Variants in C4orf51 observed in about 807,000 individuals in gnomAD.
The protein encoded by C4orf51 is chromosome 4 open reading frame 51.
C4orf51 carries 25 observed loss-of-function variants against 25.2 expected under a neutral mutation model. The observed-to-expected ratio is 0.99, with a 90% CI of 0.72 to 1.39. C4orf51 has a LOEUF of 1.39. C4orf51 is among the 40% of genes most tolerant of loss of function. The pLI, the probability that C4orf51 is intolerant of heterozygous loss-of-function variation, is 0.00. For missense variants in C4orf51, 252 were observed against 239.6 expected (o/e 1.05, Z -0.34); for synonymous variants, 100 against 84.5 (o/e 1.18, Z -1.01).
At chr4:145,736,439 A>AC (rs1732806371), downstream of C4orf51, among the ~76,000 whole-genome samples, 1 of 151,810 alleles carries the variant, frequency 6.6e-6, no homozygotes, top group Non-Finnish European at 1.5e-5. Context: ...GGACTCTGTG[A>AC]CCTGAGCTGG....
the C4orf51 span, among the ~76,000 whole-genome samples, chr4:145,778,007 C>CT: frequency 1.3e-5 from 2 of 152,078 alleles, no homozygotes; most frequent in African/African-American, 4.8e-5. Flanking sequence ...TAAAACTCCA[C>CT]TTTTTTGAAC....
intron 1 of C4orf51, among the ~76,000 whole-genome samples, chr4:145,691,059 G>C (rs1203778238): frequency 6.6e-6 from 1 of 151,876 alleles, no homozygotes; most frequent in East Asian, 1.9e-4. Flanking sequence ...GCTATAGTGA[G>C]CTATGATCAT....
chr4:145,765,092 G>A lies in C4orf51; in HGVS notation n.167-5896G>A. 6.2e-7 allele frequency: 1 copy of A among 1,614,206 alleles called. No individual in the cohort carries two copies. The highest frequency in any genetic ancestry group is 8.5e-7 in the Non-Finnish European group (1 of 1,180,040). ...CATCACACTCAAACATCCGGGTGAT[G>A]AGGTGTATCTGCAGATGACGCTCAA... On this transcript the variant is annotated intron_variant and non_coding_transcript_variant, in intron 1 of 1. Coordinates refer to the C4orf51 transcript ENST00000510096. The surrounding 1 kb of genome is among the most constrained non-coding windows in gnomAD (Gnocchi z 4.7).
the C4orf51 span, among the ~76,000 whole-genome samples, chr4:145,780,020 G>T: frequency 6.6e-6 from 1 of 152,130 alleles, no homozygotes. Flanking sequence ...GTGAAACCTT[G>T]TATCTACTAA....
At chr4:145,757,757 C>T (rs979499473), downstream of C4orf51, 8 of 150,868 alleles carry the variant, frequency 5.3e-5, no homozygotes, top group Non-Finnish European at 8.8e-5. Context: ...TGTACAGCCT[C>T]GTAATGCAAA....
chr4:145,737,557 C>G (rs919320839), downstream of C4orf51, among the ~76,000 whole-genome samples: 1 of 151,888 alleles, frequency 6.6e-6, no homozygotes, highest in African/African-American at 2.4e-5. Flanking sequence ...TGCTTTTCCT[C>G]CCTTCTCCAT....
At chr4:145,726,279 A>G (rs913336025) in intron 2 of C4orf51, among the ~76,000 whole-genome samples, 1 of 152,254 alleles carries the variant, frequency 6.6e-6, no homozygotes, top group Non-Finnish European at 1.5e-5. Flanking sequence ...TAACTGGCAT[A>G]TCCATCACCT....
intron 1 of C4orf51, among the ~76,000 whole-genome samples, chr4:145,688,887 T>TAAAC (rs369294671): frequency 7.9e-6 from 1 of 126,192 alleles, no homozygotes; most frequent in Admixed American, 8.3e-5. Context: ...TCAAAATAAA[T>TAAAC]AAACAAACAA....
chr4:145,763,058 A>T lies in C4orf51; in HGVS notation n.167-7930A>T. Reference sequence around the variant, plus strand: ...TAAAGCCCATTCCCAGGTCAGGTGCACACACAACCCCTACGCCAAGCTGGG... The same window carrying T: ...TAAAGCCCATTCCCAGGTCAGGTGCTCACACAACCCCTACGCCAAGCTGGG... On this transcript the variant is annotated intron_variant and non_coding_transcript_variant, in intron 1 of 1. Coordinates refer to the C4orf51 transcript ENST00000510096. This position sits in a 1 kb window ranked among gnomAD's most constrained non-coding sequence, Gnocchi z 4.6. 6.5e-7 allele frequency: 1 copy of T among 1,532,938 alleles called. No homozygotes were observed. The highest frequency in any genetic ancestry group is 8.7e-7 in the Non-Finnish European group (1 of 1,144,672). 95.0% of individuals were successfully genotyped at this position (1,532,938 alleles called of 1,614,324 possible). A position where few individuals can be genotyped will look rare whatever the true frequency, so the allele number is the denominator to read the frequency against.
intron 2 of C4orf51, among the ~76,000 whole-genome samples, chr4:145,708,930 C>T (rs1367478270): frequency 1.3e-5 from 2 of 152,154 alleles, no homozygotes; most frequent in Non-Finnish European, 2.9e-5. Context: ...CTCAAGGGGG[C>T]TGGACTTCCC....
chr4:145,746,132 A>G (rs928939409), intron 1 of C4orf51, among the ~76,000 whole-genome samples: 1 of 152,088 alleles, frequency 6.6e-6, no homozygotes, highest in Non-Finnish European at 1.5e-5. Context: ...CCCTTGTCAG[A>G]TGGGTAGTTT....
At chr4:145,704,395 C>A (rs1160843211) in intron 2 of C4orf51, among the ~76,000 whole-genome samples, 1 of 152,208 alleles carries the variant, frequency 6.6e-6, no homozygotes, top group East Asian at 1.9e-4. Context: ...CACAAGGCCA[C>A]TTCTGTCTGC....
At chr4:145,760,710 A>T in intron 1 of C4orf51, 1 of 1,023,714 alleles carries the variant, frequency 9.8e-7, no homozygotes, top group Non-Finnish European at 1.2e-6. Context: ...GGTTGTGTTT[A>T]AGTTTTGTGG....
the C4orf51 span, among the ~76,000 whole-genome samples, chr4:145,788,394 C>T: frequency 6.6e-6 from 1 of 152,250 alleles, no homozygotes; most frequent in Non-Finnish European, 1.5e-5. Context: ...TCTAAGCCTC[C>T]AAATGTAGAT....
chr4:145,686,434 A>C (rs991078232), intron 1 of C4orf51, among the ~76,000 whole-genome samples: 1 of 152,206 alleles, frequency 6.6e-6, no homozygotes, highest in Admixed American at 6.5e-5. Flanking sequence ...CAATAATCAT[A>C]ATAATAATGA....
At chr4:145,770,272 C>T (rs1736040659) in intron 1 of C4orf51, among the ~76,000 whole-genome samples, 1 of 151,770 alleles carries the variant, frequency 6.6e-6, no homozygotes, top group African/African-American at 2.4e-5. Context: ...TCACTCCAGC[C>T]TCGGCAACAG....
rs1732555219 is a variant in C4orf51 at position 145,732,759 on chromosome 4, G to GT, written c.*204dup. 1 of 433,684 alleles carries GT rather than the reference G, an allele frequency of 2.3e-6. No individual in the cohort carries two copies. The highest frequency in any genetic ancestry group is 4.1e-6 in the Non-Finnish European group (1 of 245,920). 26.9% of individuals were successfully genotyped at this position (433,684 alleles called of 1,614,324 possible). A position where few individuals can be genotyped will look rare whatever the true frequency, so the allele number is the denominator to read the frequency against. On this transcript the variant is annotated 3_prime_UTR_variant, in exon 6 of 6. Coordinates refer to ENST00000438731, the MANE Select transcript of C4orf51 (RefSeq NM_001080531.3). Reference sequence around the variant, plus strand: ...TTTTAATTGGTGGAGAGAGACAAAAGTTTTTATAATCTTTATTAAATTTTC... The same window carrying GT: ...TTTTAATTGGTGGAGAGAGACAAAAGTTTTTTATAATCTTTATTAAATTTTC...
At chr4:145,785,398 A>G in the C4orf51 span, among the ~76,000 whole-genome samples, 1 of 152,352 alleles carries the variant, frequency 6.6e-6, no homozygotes, top group East Asian at 1.9e-4. Context: ...GGTAGAATTT[A>G]GGAAGGAGTT....
intron 1 of C4orf51, among the ~76,000 whole-genome samples, chr4:145,686,762 A>G (rs937696537): frequency 3.3e-5 from 5 of 152,214 alleles, no homozygotes; most frequent in African/African-American, 1.2e-4. Context: ...GAAAATGATA[A>G]GTTCTTTTTA....
Sources: gnomAD v4.1 joint callset for allele counts (sites outside exome capture counted in the v4.1 genomes callset) on GRCh38, gnomAD v4.1.1 for gene constraint, Gnocchi (gnomAD v3.1) non-coding constraint, MANE v1.5 for transcripts, NCBI Gene and HGNC (gene_info 2026-07-23, HGNC 2026-07-21) for gene names.